PTPRD: variants seen among roughly 807,000 people sequenced by gnomAD.
The protein encoded by PTPRD is receptor-type tyrosine-protein phosphatase delta.
A neutral mutation model predicts 214.5 loss-of-function variants in PTPRD; 34 were observed. The ratio of observed to expected loss-of-function variants is 0.16; its 90% confidence interval spans 0.12 to 0.21. The LOEUF (loss-of-function observed/expected upper bound fraction) is 0.21. PTPRD is among the 10% of genes least tolerant of loss of function. PTPRD has a pLI of 1.00. For synonymous variants in PTPRD, 1,128 were observed against 845.7 expected, an observed-to-expected ratio of 1.33 and a Z score of -5.79; for missense variants, 2,545 against 2,398.7, an observed-to-expected ratio of 1.06 and a Z score of -1.27.
At chr9:10,517,529 T>A (rs1027397836) in intron 2 of PTPRD, among the ~76,000 whole-genome samples, 1 of 152,040 alleles carries the variant, frequency 6.6e-6, no homozygotes, top group African/African-American at 2.4e-5. Flanking sequence ...CATAGATTAT[T>A]ACTAGTTTTC....
chr9:9,116,297 AC>A lies in PTPRD; in HGVS notation c.-143+67006del, dbSNP rs1379592179. Among the ~76,000 whole-genome samples the A allele has an allele frequency of 2.0e-5, 3 of 152,188 alleles. No individual in the cohort carries two copies. In the East Asian group the frequency reaches 5.8e-4, roughly 29 times the overall value. ...GAATACTATTCAGCCATAAATACAG[AC>A]AAAATAATGTCTTTTGCAGCAACTT... On this transcript the variant is annotated intron_variant, in intron 10 of 45. Coordinates refer to ENST00000381196, the MANE Select transcript of PTPRD (RefSeq NM_002839.4).
intron 5 of PTPRD, among the ~76,000 whole-genome samples, chr9:9,767,916 T>C (rs1030001866): frequency 3.3e-5 from 5 of 152,160 alleles, no homozygotes; most frequent in Non-Finnish European, 7.4e-5. Context: ...AAGATGTCTA[T>C]GGAGCTACTG....
At chr9:8,452,831 G>T (rs189555969) in intron 33 of PTPRD, among the ~76,000 whole-genome samples, 5 of 152,124 alleles carry the variant, frequency 3.3e-5, no homozygotes, top group Admixed American at 1.3e-4. Flanking sequence ...GCTCTCATCT[G>T]GGGGGAAGAA....
chr9:8,493,122 T>G, intron 26 of PTPRD, 143 bp from the exon 27 acceptor site: 3 of 657,078 alleles, frequency 4.6e-6, no homozygotes, highest in South Asian at 1.9e-5. Flanking sequence ...ATGCCTGAGC[T>G]CATGCTATGG....
chr9:10,110,699 A>G (rs1363139718), intron 3 of PTPRD, among the ~76,000 whole-genome samples: 1 of 152,216 alleles, frequency 6.6e-6, no homozygotes, highest in Non-Finnish European at 1.5e-5. Flanking sequence ...TGGCCTATCC[A>G]ATCCGTAAAA....
At chr9:9,839,630 A>T (rs1599360582) in intron 5 of PTPRD, among the ~76,000 whole-genome samples, 1 of 151,538 alleles carries the variant, frequency 6.6e-6, no homozygotes, top group African/African-American at 2.4e-5. Flanking sequence ...ATACTGCCCA[A>T]GGTAATTTAC....
At chr9:9,619,021 G>A (rs2095071696) in intron 7 of PTPRD, among the ~76,000 whole-genome samples, 1 of 152,114 alleles carries the variant, frequency 6.6e-6, no homozygotes, top group South Asian at 2.1e-4. Context: ...AGATGCCACA[G>A]AGAAAACAAG....
chr9:9,031,903 T>C (rs918342201), intron 10 of PTPRD, among the ~76,000 whole-genome samples: 2 of 152,188 alleles, frequency 1.3e-5, no homozygotes, highest in South Asian at 2.1e-4. Context: ...TGGGGCATTT[T>C]ACTAAATGGA....
At chr9:9,109,757 A>G (rs1462219417) in intron 10 of PTPRD, among the ~76,000 whole-genome samples, 2 of 152,116 alleles carry the variant, frequency 1.3e-5, no homozygotes, top group Non-Finnish European at 2.9e-5. Flanking sequence ...TGCGAATGAA[A>G]TAGAGTTGTT....
chr9:10,400,430 A>G (rs934473018), intron 2 of PTPRD, among the ~76,000 whole-genome samples: 2 of 151,734 alleles, frequency 1.3e-5, no homozygotes, highest in Non-Finnish European at 2.9e-5. Flanking sequence ...CTTTATAATA[A>G]TGTAACTCCT....
At chr9:10,583,085 C>T (rs2072558870) in intron 2 of PTPRD, among the ~76,000 whole-genome samples, 1 of 152,082 alleles carries the variant, frequency 6.6e-6, no homozygotes, top group Admixed American at 6.5e-5. Context: ...AAAAGAAAAA[C>T]ACACACAGAG....
chr9:9,962,493 A>G (rs2094432368), intron 4 of PTPRD, among the ~76,000 whole-genome samples: 1 of 152,098 alleles, frequency 6.6e-6, no homozygotes, highest in Non-Finnish European at 1.5e-5. Flanking sequence ...GAACATTTAA[A>G]GCACAATTCA....
chr9:8,583,368 G>C (rs1304597782), intron 14 of PTPRD, among the ~76,000 whole-genome samples: 3 of 152,176 alleles, frequency 2.0e-5, no homozygotes, highest in East Asian at 1.9e-4. Context: ...TTTAGAGACA[G>C]CATGTTAGCA....
At position 10,016,670 on chromosome 9, in the gene PTPRD, G is replaced by GTTT. The variant is rs137867470; in HGVS notation, c.-472+17047_-472+17048insAAA. On this transcript the variant is annotated intron_variant, in intron 4 of 45. Transcript: ENST00000381196. ...ATACTACTGAAAATGCCTCCTGTGG[G>GTTT]TTGTTTTTTTTTTCCACAGAATTTT... is the stretch of plus-strand genomic sequence containing the variant. Among the ~76,000 whole-genome samples the GTTT allele has an allele frequency of 1.7e-3, 259 of 148,456 alleles. 1 individual carries two copies. Among genetic ancestry groups the GTTT allele is most frequent in the South Asian group, 5.1e-3 (24 of 4,702 alleles).
chr9:9,965,123 A>G (rs2094596330), intron 4 of PTPRD, among the ~76,000 whole-genome samples: 1 of 152,192 alleles, frequency 6.6e-6, no homozygotes, highest in Non-Finnish European at 1.5e-5. Context: ...CCAAATTAGC[A>G]AATTTTTCAT....
intron 2 of PTPRD, among the ~76,000 whole-genome samples, chr9:10,560,166 C>T (rs1318250053): frequency 6.6e-6 from 1 of 152,096 alleles, no homozygotes; most frequent in Non-Finnish European, 1.5e-5. Context: ...CCCAAATGTC[C>T]ATCAATGATA....
In PTPRD at chr9:10,147,812, G is replaced by A. The variant is rs546623478; in HGVS notation, c.-544-114022C>T. On this transcript the variant is annotated intron_variant, in intron 3 of 45. Transcript: ENST00000381196. ...AGAGAATTGCTTGAACCCGGGAGGCGGAGGTTGCAGTGAGTCAAGATCACG... is the reference window on the plus strand; with the variant it reads ...AGAGAATTGCTTGAACCCGGGAGGCAGAGGTTGCAGTGAGTCAAGATCACG... 9.9e-5 allele frequency among the ~76,000 whole-genome samples: 15 copies of A among 152,250 alleles called. No individual in the cohort carries two copies. In the South Asian group the frequency reaches 2.9e-3, roughly 29 times the overall value.
intron 2 of PTPRD, among the ~76,000 whole-genome samples, chr9:10,462,312 G>A (rs933918777): frequency 1.3e-5 from 2 of 152,114 alleles, no homozygotes; most frequent in Non-Finnish European, 1.5e-5. Flanking sequence ...TTATTTGAAT[G>A]TGTAGGAGTA....
chr9:8,909,300 T>A (rs2098730612), intron 11 of PTPRD, among the ~76,000 whole-genome samples: 2 of 152,034 alleles, frequency 1.3e-5, no homozygotes, highest in South Asian at 4.1e-4. Context: ...AACAAAGACA[T>A]CACATAAAAA....
Sources: allele counts gnomAD v4.1 joint callset (sites outside exome capture counted in the v4.1 genomes callset), GRCh38; gene constraint gnomAD v4.1.1; transcripts MANE v1.5; gene names NCBI Gene and HGNC (gene_info 2026-07-23, HGNC 2026-07-21).